Variants in FBXO11 observed in about 807,000 individuals in gnomAD.
FBXO11 encodes F-box only protein 11.
Under a neutral mutation model 117.0 loss-of-function variants are expected in FBXO11, and 13 were observed. The ratio of observed to expected loss-of-function variants is 0.11; its 90% confidence interval spans 0.07 to 0.18. The LOEUF (loss-of-function observed/expected upper bound fraction) is 0.18. Ranked by LOEUF, FBXO11 falls within the 10% of genes least tolerant of loss-of-function variation. The probability of loss-of-function intolerance (pLI) is 1.00; values close to 1 mark genes in which losing one functional copy is unlikely to be tolerated. For synonymous variants in FBXO11, 490 were observed against 380.5 expected, an observed-to-expected ratio of 1.29 and a Z score of -3.35; for missense variants, 767 against 1,164.4, an observed-to-expected ratio of 0.66 and a Z score of 4.97.
intron 13 of FBXO11, among the ~76,000 whole-genome samples, chr2:47,821,339 G>C (rs543064611): frequency 6.6e-6 from 1 of 152,074 alleles, no homozygotes; most frequent in African/African-American, 2.4e-5. Flanking sequence ...GGCCAGGCGC[G>C]GTGGCTCACA....
chr2:47,889,626 T>C (rs989732614), intron 1 of FBXO11, among the ~76,000 whole-genome samples: 1 of 97,246 alleles, frequency 1.0e-5, no homozygotes, highest in African/African-American at 5.7e-5. Flanking sequence ...TCTTAGAAAG[T>C]GAGAGGGTTT....
intron 1 of FBXO11, among the ~76,000 whole-genome samples, chr2:47,859,902 G>C (rs1454707948): frequency 6.6e-6 from 1 of 152,082 alleles, no homozygotes; most frequent in Non-Finnish European, 1.5e-5. Flanking sequence ...CTATTTTCTA[G>C]AATAAGTTAT....
chr2:47,888,003 T>A (rs74434796), intron 1 of FBXO11, among the ~76,000 whole-genome samples: 10,808 of 151,398 alleles, frequency 0.071, 537 homozygotes, highest in Non-Finnish European at 0.11. Flanking sequence ...GGTGAGAGAG[T>A]GAAACCTTGT....
intron 4 of FBXO11, among the ~76,000 whole-genome samples, chr2:47,838,155 C>T (rs556041810): frequency 6.6e-5 from 10 of 151,848 alleles, no homozygotes; most frequent in Non-Finnish European, 1.5e-4. Context: ...ATGGCTTGAG[C>T]CCAGAGGGTT....
chr2:47,863,332 C>G (rs923445837), intron 1 of FBXO11, among the ~76,000 whole-genome samples: 6 of 152,132 alleles, frequency 3.9e-5, no homozygotes, highest in African/African-American at 1.2e-4. Flanking sequence ...ATTCTGCTTT[C>G]AGGCCAACAG....
intron 1 of FBXO11, among the ~76,000 whole-genome samples, chr2:47,859,627 T>C (rs1674596086): frequency 1.3e-5 from 2 of 152,346 alleles, no homozygotes; most frequent in Non-Finnish European, 2.9e-5. Context: ...TCTTTCTTAT[T>C]TGCAGCCCTC....
At chr2:47,851,967 T>C (rs1042790769) in intron 1 of FBXO11, among the ~76,000 whole-genome samples, 49 of 152,044 alleles carry the variant, frequency 3.2e-4, no homozygotes, top group Admixed American at 2.8e-3. Flanking sequence ...ATGCTAATAG[T>C]AGTCTCTGTA....
At chr2:47,860,729 C>T (rs1361466661) in intron 1 of FBXO11, among the ~76,000 whole-genome samples, 2 of 149,972 alleles carry the variant, frequency 1.3e-5, no homozygotes, top group Non-Finnish European at 3.0e-5. Context: ...TTAACTAAGG[C>T]TAATCAAAAC....
At chr2:47,851,902 C>CT (rs1002987025) in intron 1 of FBXO11, among the ~76,000 whole-genome samples, 10 of 152,070 alleles carry the variant, frequency 6.6e-5, no homozygotes, top group Admixed American at 2.0e-4. Context: ...CAAGAAACAA[C>CT]TTTTTTTAAT....
intron 1 of FBXO11, among the ~76,000 whole-genome samples, chr2:47,898,152 C>G (rs1203543176): frequency 1.3e-5 from 2 of 152,150 alleles, no homozygotes; most frequent in Admixed American, 6.5e-5. Context: ...CTTTAACATG[C>G]TATCTTATTC....
At chr2:47,851,997 T>C (rs1213399244) in intron 1 of FBXO11, among the ~76,000 whole-genome samples, 1 of 151,002 alleles carries the variant, frequency 6.6e-6, no homozygotes, top group African/African-American at 2.4e-5. Context: ...CAATTTTTTT[T>C]TTTTTTTTTT....
chr2:47,881,047 G>GCC (rs1676392760), intron 1 of FBXO11, among the ~76,000 whole-genome samples: 2 of 152,184 alleles, frequency 1.3e-5, no homozygotes, highest in African/African-American at 2.4e-5. Context: ...AAAGTCAGGA[G>GCC]TTCAAGTCAA....
intron 16 of FBXO11, chr2:47,814,284 T>C (rs1014735026): frequency 1.3e-5 from 2 of 153,640 alleles, no homozygotes; most frequent in African/African-American, 2.4e-5. Context: ...AAGTATGCAA[T>C]AGCATTTCAT....
chr2:47,819,795 A>G (rs1353572370), intron 14 of FBXO11, among the ~76,000 whole-genome samples: 1 of 152,208 alleles, frequency 6.6e-6, no homozygotes, highest in Non-Finnish European at 1.5e-5. Context: ...AACTGAGGAC[A>G]TGTGCATCTC....
chr2:47,811,583 A>G (rs949300213), intron 18 of FBXO11: 4 of 152,226 alleles, frequency 2.6e-5, no homozygotes, highest in African/African-American at 9.7e-5. Context: ...GTCATAACCA[A>G]TTTGGATATT....
intron 1 of FBXO11, among the ~76,000 whole-genome samples, chr2:47,888,956 A>C (rs1312639621): frequency 6.6e-6 from 1 of 152,236 alleles, no homozygotes; most frequent in Non-Finnish European, 1.5e-5. Context: ...TCATCTATGA[A>C]CATATTTAAT....
intron 1 of FBXO11, among the ~76,000 whole-genome samples, chr2:47,870,494 C>A (rs1675544049): frequency 1.3e-5 from 2 of 152,070 alleles, no homozygotes; most frequent in Non-Finnish European, 1.5e-5. Flanking sequence ...GAGGAAAGTG[C>A]CAATGTGAAG....
chr2:47,885,062 G>A (rs992519156), intron 1 of FBXO11, among the ~76,000 whole-genome samples: 1 of 152,170 alleles, frequency 6.6e-6, no homozygotes. Flanking sequence ...AACTTACTAT[G>A]TAAAACATTA....
intron 1 of FBXO11, among the ~76,000 whole-genome samples, chr2:47,900,696 ACACACACGTG>A (rs1295567186): frequency 2.2e-4 from 22 of 98,946 alleles, no homozygotes; most frequent in African/African-American, 8.3e-4. Flanking sequence ...ACACACGTAT[ACACACACGTG>A]TATATATATA....
Sources: gnomAD v4.1 joint callset for allele counts (sites outside exome capture counted in the v4.1 genomes callset) on GRCh38, gnomAD v4.1.1 for gene constraint, MANE v1.5 for transcripts, NCBI Gene and HGNC (gene_info 2026-07-23, HGNC 2026-07-21) for gene names.